The following RALB variants were observed in gnomAD, a reference collection of about 807,000 sequenced individuals.
The protein encoded by RALB is RAS like proto-oncogene B, also known as ras-related protein Ral-B.
Under a neutral mutation model 21.3 loss-of-function variants are expected in RALB, and 16 were observed. The observed-to-expected ratio is 0.75, with a 90% CI of 0.51 to 1.14. RALB has a LOEUF of 1.14. Among genes scored for constraint, RALB ranks in the 50% most tolerant of loss-of-function variants. The pLI is 0.00. For missense variants in RALB, 161 were observed against 256.2 expected (o/e 0.63, Z 2.54); for synonymous variants, 93 against 96.1 (o/e 0.97, Z 0.19).
intron 1 of RALB, among the ~76,000 whole-genome samples, chr2:120,276,172 G>T (rs1689788487): frequency 6.6e-6 from 1 of 152,222 alleles, no homozygotes; most frequent in African/African-American, 2.4e-5. Context: ...CCTGGCCCCA[G>T]GTAGCCCTTC....
At chr2:120,286,473 T>G (rs575848257) in intron 3 of RALB, among the ~76,000 whole-genome samples, 1 of 152,328 alleles carries the variant, frequency 6.6e-6, no homozygotes, top group African/African-American at 2.4e-5. Flanking sequence ...TAGTCTGTGT[T>G]GAAGGTTATG....
chr2:120,250,801 C>T, upstream of RALB, among the ~76,000 whole-genome samples: 2 of 152,272 alleles, frequency 1.3e-5, no homozygotes, highest in South Asian at 4.1e-4. Context: ...TCCCTTCTCC[C>T]GTTGGGACAC....
chr2:120,283,177 C>CCCT (rs1690040336), intron 2 of RALB, among the ~76,000 whole-genome samples: 1 of 152,104 alleles, frequency 6.6e-6, no homozygotes, highest in Non-Finnish European at 1.5e-5. Flanking sequence ...TCAGGGAGGC[C>CCCT]GGCTGTCTAA....
rs117950547 is a variant in RALB at position 120,257,526 on chromosome 2, C to T, written c.-48+4546C>T. On this transcript the variant is annotated intron_variant, in intron 1 of 4. Transcript: ENST00000272519. ...TATGATCCTTATTTTTTTTTTATAA[C>T]GAATATCCTTTGAGTTGTGCATATT... is the stretch of plus-strand genomic sequence containing the variant. Among the ~76,000 whole-genome samples, 7 of 151,816 alleles carry T rather than the reference C, an allele frequency of 4.6e-5. No homozygotes were observed. The East Asian group carries it at 5.8e-4, about 13-fold the overall frequency.
chr2:120,278,875 G>C (rs1455097604), intron 2 of RALB, 97 bp downstream of exon 2: 42 of 1,176,130 alleles, frequency 3.6e-5, no homozygotes, highest in Admixed American at 7.4e-5. Flanking sequence ...GTACACAGGG[G>C]TTCACGGAGC....
chr2:120,288,071 A>G (rs574096085), intron 3 of RALB, among the ~76,000 whole-genome samples: 59 of 152,328 alleles, frequency 3.9e-4, no homozygotes, highest in African/African-American at 1.4e-3. Context: ...AGAGACCAGA[A>G]CTTGGTACTC....
upstream of RALB, among the ~76,000 whole-genome samples, chr2:120,249,504 T>C (rs1254772606): frequency 3.3e-5 from 5 of 152,102 alleles, no homozygotes; most frequent in Non-Finnish European, 5.9e-5. Context: ...GCGGAAGGCA[T>C]AGTGGGAGCA....
At position 120,255,465 on chromosome 2, in the gene RALB, G is replaced by A. The variant is rs1689178198; in HGVS notation, c.-48+2485G>A. 4.6e-5 allele frequency among the ~76,000 whole-genome samples: 7 copies of A among 152,230 alleles called. No homozygotes were observed. The South Asian group carries it at 1.4e-3, about 31-fold the overall frequency. On this transcript the variant is annotated intron_variant, in intron 1 of 4. Transcript: ENST00000272519. The stretch of plus-strand genomic sequence containing the variant: ...TACCAGTTAAATATGTGGCCTTGGA[G>A]ATTTGACCATGGGCTGTCTCCTTTA...
At chr2:120,259,102 G>A (rs994560280) in intron 1 of RALB, among the ~76,000 whole-genome samples, 7 of 151,904 alleles carry the variant, frequency 4.6e-5, no homozygotes, top group African/African-American at 1.7e-4. Context: ...GCAGATCTTC[G>A]CGGTGAGTGT....
At chr2:120,275,988 A>C (rs1689783034) in intron 1 of RALB, among the ~76,000 whole-genome samples, 2 of 152,206 alleles carry the variant, frequency 1.3e-5, no homozygotes. Context: ...AGGGTGTGGA[A>C]AACCAGTTAG....
chr2:120,268,433 T>C (rs1224120220), intron 1 of RALB, among the ~76,000 whole-genome samples: 1 of 152,232 alleles, frequency 6.6e-6, no homozygotes, highest in Non-Finnish European at 1.5e-5. Context: ...TTCAAACATA[T>C]ACGAAGGTAT....
chr2:120,286,651 A>G (rs1486212039), intron 3 of RALB, among the ~76,000 whole-genome samples: 1 of 152,186 alleles, frequency 6.6e-6, no homozygotes, highest in Admixed American at 6.5e-5. Context: ...TAGTGTCAGG[A>G]TTTTGTTTCT....
intron 1 of RALB, among the ~76,000 whole-genome samples, chr2:120,261,793 G>T (rs1416705382): frequency 6.6e-6 from 1 of 152,190 alleles, no homozygotes; most frequent in East Asian, 1.9e-4. Flanking sequence ...TATGCAGAGA[G>T]AGAGTGCTGG....
chr2:120,245,612 C>A (rs775975569), intron 1 of RALB, among the ~76,000 whole-genome samples: 3 of 152,174 alleles, frequency 2.0e-5, no homozygotes, highest in Non-Finnish European at 4.4e-5. Context: ...ACCAGGAGGC[C>A]TTGCTCCGGG....
At chr2:120,289,907 A>G in intron 4 of RALB, 150 bp downstream of exon 4, 2 of 748,402 alleles carry the variant, frequency 2.7e-6, no homozygotes, top group Non-Finnish European at 4.1e-6. Flanking sequence ...CATGATTATA[A>G]TGAGAAACAT....
chr2:120,277,947 AT>A (rs1558953835), intron 1 of RALB, among the ~76,000 whole-genome samples: 2 of 145,506 alleles, frequency 1.4e-5, no homozygotes, highest in Non-Finnish European at 3.0e-5. Context: ...GCGAGTGTGA[AT>A]GTGTGAATGT....
chr2:120,243,240 A>T (rs1299778099), intron 1 of RALB, among the ~76,000 whole-genome samples: 1 of 152,230 alleles, frequency 6.6e-6, no homozygotes. Context: ...GACAAGGGCC[A>T]TGTAATTGGT....
intron 1 of RALB, among the ~76,000 whole-genome samples, chr2:120,270,320 A>C (rs993582211): frequency 4.6e-5 from 7 of 152,236 alleles, no homozygotes. Context: ...AAAAAATAAC[A>C]GGAAGTTGAA....
intron 1 of RALB, among the ~76,000 whole-genome samples, chr2:120,258,723 A>G (rs1385885508): frequency 1.3e-5 from 2 of 152,328 alleles, no homozygotes; most frequent in African/African-American, 2.4e-5. Flanking sequence ...ATAGCTAGAA[A>G]TGGTCATGAA....
Sources: gnomAD v4.1 joint callset for allele counts (sites outside exome capture counted in the v4.1 genomes callset) on GRCh38, gnomAD v4.1.1 for gene constraint, MANE v1.5 for transcripts, NCBI Gene and HGNC (gene_info 2026-07-23, HGNC 2026-07-21) for gene names.